KCNAB2: variants seen among roughly 807,000 people sequenced by gnomAD.
KCNAB2 encodes the protein voltage-gated potassium channel subunit beta-2.
In KCNAB2, 29 loss-of-function variants were observed where a neutral mutation model predicts 63.6. That is an observed-to-expected ratio of 0.46 (90% CI 0.34 to 0.62). The LOEUF is 0.62. Ranked by LOEUF, KCNAB2 falls within the 20% of genes least tolerant of loss-of-function variation. The pLI, the probability that KCNAB2 is intolerant of heterozygous loss-of-function variation, is 0.01. For missense variants in KCNAB2, 359 were observed against 563.9 expected, an observed-to-expected ratio of 0.64 and a Z score of 3.68; for synonymous variants, 222 against 224.2, an observed-to-expected ratio of 0.99 and a Z score of 0.09.
chr1:6,081,890 A>G (rs1352328625), intron 4 of KCNAB2, among the ~76,000 whole-genome samples: 2 of 152,244 alleles, frequency 1.3e-5, no homozygotes, highest in African/African-American at 4.8e-5. Flanking sequence ...TCGACCCAGT[A>G]CAGGTGCTAA....
rs1665906433 is a variant in KCNAB2 at position 6,099,737 on chromosome 1, A to C, written c.*1163A>C. On this transcript the variant is annotated 3_prime_UTR_variant, in exon 16 of 16. Transcript: ENST00000378083. ...CACCCCCACAGCACCCCCACAATGTAGGAAAAGACCTCAGGGAACCTCTCC... is the reference window on the plus strand; with the variant it reads ...CACCCCCACAGCACCCCCACAATGTCGGAAAAGACCTCAGGGAACCTCTCC... The C allele has an allele frequency of 1.4e-6, 2 of 1,448,604 alleles. No individual in the cohort carries two copies. The highest frequency in any genetic ancestry group is 2.9e-5 in the Admixed American group (1 of 35,074). 89.7% of individuals were successfully genotyped at this position (1,448,604 alleles called of 1,614,324 possible).
chr1:6,065,248 C>T (rs893490920), intron 2 of KCNAB2, among the ~76,000 whole-genome samples: 3 of 152,228 alleles, frequency 2.0e-5, no homozygotes, highest in South Asian at 4.1e-4. Context: ...CTGGCTGCAG[C>T]GCCTGCCCAG....
chr1:6,096,635 G>C lies in KCNAB2; in HGVS notation c.949-1G>C. On this transcript the variant is annotated splice_acceptor_variant, in intron 13 of 15. Coordinates refer to ENST00000378083, the MANE Select transcript of KCNAB2 (RefSeq NM_001199862.2). LOFTEE classifies it high-confidence loss of function. This position sits in a 1 kb window ranked among gnomAD's most constrained non-coding sequence, Gnocchi z 5.9. The stretch of plus-strand genomic sequence containing the variant: ...GTGCTGCTCCCCTCCCCCGCAACCA[G>C]GGCTACCAGTGGCTGAAGGACAAGA... The C allele has an allele frequency of 6.2e-7, 1 of 1,610,372 alleles. No individual in the cohort carries two copies. Among genetic ancestry groups the C allele is most frequent in the African/African-American group, 1.3e-5 (1 of 75,018 alleles).
Position 6,003,718 on chromosome 1 carries a change from C to T in KCNAB2, c.-53+10930C>T, listed in dbSNP as rs1270690947. On this transcript the variant is annotated intron_variant, in intron 1 of 16. Transcript: ENST00000341524. This position sits in a 1 kb window ranked among gnomAD's most constrained non-coding sequence, Gnocchi z 4.1. ...ATTTCAAAAAGGTCGTAGTATATAG[C>T]TCATGTCCCAGAACCAGCCACGTCT... 6.6e-6 allele frequency among the ~76,000 whole-genome samples: 1 copy of T among 152,220 alleles called. No homozygotes were observed. Among genetic ancestry groups the T allele is most frequent in the Non-Finnish European group, 1.5e-5 (1 of 68,042 alleles).
chr1:5,999,336 T>G (rs1657108299), intron 1 of KCNAB2, among the ~76,000 whole-genome samples: 1 of 152,260 alleles, frequency 6.6e-6, no homozygotes, highest in East Asian at 1.9e-4. Flanking sequence ...GCAAGCTCCT[T>G]GGCCACCAGT....
intron 1 of KCNAB2, among the ~76,000 whole-genome samples, chr1:6,039,467 A>G (rs1170830614): frequency 6.6e-6 from 1 of 152,156 alleles, no homozygotes; most frequent in Non-Finnish European, 1.5e-5. Flanking sequence ...GCTCAGCCCA[A>G]GGGTGGCAGC....
chr1:6,010,707 G>T (rs1363211777), intron 1 of KCNAB2, among the ~76,000 whole-genome samples: 2 of 152,224 alleles, frequency 1.3e-5, no homozygotes, highest in Non-Finnish European at 2.9e-5. Flanking sequence ...GGAAGCCCAG[G>T]GTGGGGTGGG....
At chr1:6,082,517 T>G (rs74763156) in intron 5 of KCNAB2, among the ~76,000 whole-genome samples, 1,524 of 152,282 alleles carry the variant, frequency 0.01, 25 homozygotes, top group African/African-American at 0.035. Flanking sequence ...ACAGTCCCTC[T>G]GGTGCCAAAG....
At chr1:6,062,238 C>T (rs1012849906) in intron 2 of KCNAB2, among the ~76,000 whole-genome samples, 10 of 151,504 alleles carry the variant, frequency 6.6e-5, no homozygotes, top group African/African-American at 9.7e-5. Flanking sequence ...CACTTGAACC[C>T]GGGAGGTGGA....
Position 6,035,579 on chromosome 1 carries a change from G to A in KCNAB2, c.-53+785G>A, listed in dbSNP as rs576917965. Among the ~76,000 whole-genome samples the A allele has an allele frequency of 3.7e-4, 57 of 152,160 alleles. No individual in the cohort carries two copies. The highest frequency in any genetic ancestry group is 1.0e-3 in the Admixed American group (16 of 15,286). Reference sequence around the variant, plus strand: ...CGGGGTGACTCCCGGGAGTGGGACTGACACCTGGGAGGGTGGGGAGCTCGT... The same window carrying A: ...CGGGGTGACTCCCGGGAGTGGGACTAACACCTGGGAGGGTGGGGAGCTCGT... On this transcript the variant is annotated intron_variant, in intron 1 of 15. Transcript: ENST00000164247. The surrounding 1 kb of genome is among the most constrained non-coding windows in gnomAD (Gnocchi z 5.0).
upstream of KCNAB2, chr1:6,041,938 C>T: frequency 6.9e-7 from 1 of 1,441,296 alleles, no homozygotes; most frequent in East Asian, 2.3e-5. Context: ...GGGAGGACTG[C>T]ACCCTTGCCG....
intron 1 of KCNAB2, among the ~76,000 whole-genome samples, chr1:6,047,870 G>T (rs1661059449): frequency 6.6e-6 from 1 of 152,230 alleles, no homozygotes. Context: ...GTGCCCGCAA[G>T]TTCCCTGGCC....
At chr1:6,008,768 G>A (rs1657978199) in intron 1 of KCNAB2, among the ~76,000 whole-genome samples, 1 of 152,154 alleles carries the variant, frequency 6.6e-6, no homozygotes. Context: ...CCACCCCAGA[G>A]CTCTGTCCCA....
rs753849766 is a variant in KCNAB2 at position 6,097,261 on chromosome 1, C to T, written c.1070-8C>T. The T allele has an allele frequency of 3.7e-5, 57 of 1,537,556 alleles. No individual in the cohort carries two copies. The highest frequency in any genetic ancestry group is 4.5e-5 in the Non-Finnish European group (51 of 1,137,980). ...GTTTCTCCCTCACCTTGGGTCTCGCCGCCACAGCCTGGTGCCTGAGGAATG... is the reference window on the plus strand; with the variant it reads ...GTTTCTCCCTCACCTTGGGTCTCGCTGCCACAGCCTGGTGCCTGAGGAATG... On this transcript the variant is annotated splice_region_variant and splice_polypyrimidine_tract_variant and intron_variant, in intron 14 of 15. Transcript: ENST00000378083.
chr1:6,036,728 G>A (rs530409330), intron 1 of KCNAB2, among the ~76,000 whole-genome samples: 8 of 151,986 alleles, frequency 5.3e-5, no homozygotes, highest in Non-Finnish European at 8.8e-5. Context: ...AGATCGTGTC[G>A]CTGTGTGTGG....
chr1:6,061,498 C>T (rs1438709588), intron 2 of KCNAB2, among the ~76,000 whole-genome samples: 1 of 152,236 alleles, frequency 6.6e-6, no homozygotes. Context: ...ACAGAGCAGG[C>T]CTCCTCAACC....
At chr1:6,061,684 G>A (rs185657466) in intron 2 of KCNAB2, among the ~76,000 whole-genome samples, 1 of 152,312 alleles carries the variant, frequency 6.6e-6, no homozygotes, top group East Asian at 1.9e-4. Context: ...CTGATACAGA[G>A]TAATCATCTC....
At chr1:6,004,667 C>G (rs147268282) in intron 1 of KCNAB2, among the ~76,000 whole-genome samples, 1,828 of 151,732 alleles carry the variant, frequency 0.012, 34 homozygotes, top group African/African-American at 0.041. Context: ...GATTTAGGGC[C>G]CATCCTAATC....
chr1:6,048,984 C>T (rs866466828), intron 1 of KCNAB2, among the ~76,000 whole-genome samples: 26 of 152,242 alleles, frequency 1.7e-4, no homozygotes, highest in African/African-American at 6.0e-4. Flanking sequence ...GGAAGGCAGA[C>T]GGCTTTCCAT....
Sources: allele counts gnomAD v4.1 joint callset (sites outside exome capture counted in the v4.1 genomes callset), GRCh38; gene constraint gnomAD v4.1.1; non-coding constraint Gnocchi (gnomAD v3.1); transcripts MANE v1.5; gene names NCBI Gene and HGNC (gene_info 2026-07-23, HGNC 2026-07-21).